Variants in PAK1 observed in about 807,000 individuals in gnomAD.
The protein encoded by PAK1 is p21 (RAC1) activated kinase 1, also known as serine/threonine-protein kinase PAK 1.
In PAK1, 29 loss-of-function variants were observed where a neutral mutation model predicts 67.4. The observed-to-expected ratio is 0.43, with a 90% CI of 0.32 to 0.59. The LOEUF is 0.59. Ranked by LOEUF, PAK1 falls within the 20% of genes least tolerant of loss-of-function variation. The pLI, the probability that PAK1 is intolerant of heterozygous loss-of-function variation, is 0.07. For synonymous variants in PAK1, 223 were observed against 237.4 expected, an observed-to-expected ratio of 0.94 and a Z score of 0.56; for missense variants, 337 against 670.7, an observed-to-expected ratio of 0.50 and a Z score of 5.50.
At chr11:77,455,622 T>C (rs113934459) in intron 1 of PAK1, among the ~76,000 whole-genome samples, 2,124 of 152,340 alleles carry the variant, frequency 0.014, 41 homozygotes, top group African/African-American at 0.049. Flanking sequence ...TAAATCTCTC[T>C]GATATCCTTT....
intron 2 of PAK1, among the ~76,000 whole-genome samples, chr11:77,386,920 C>T (rs1487884669): frequency 6.6e-6 from 1 of 152,008 alleles, no homozygotes; most frequent in Non-Finnish European, 1.5e-5. Flanking sequence ...ATTACAGGTG[C>T]CCACTACCAC....
intron 5 of PAK1, among the ~76,000 whole-genome samples, chr11:77,364,147 C>G (rs1467356617): frequency 6.6e-6 from 1 of 152,204 alleles, no homozygotes. Flanking sequence ...TTCACAGGCA[C>G]AGCAGACGCT....
chr11:77,379,243 G>A lies in PAK1; in HGVS notation c.437C>T (p.Thr146Ile). 1 of 1,611,562 alleles carries A rather than the reference G, an allele frequency of 6.2e-7. No individual in the cohort carries two copies. Among genetic ancestry groups the A allele is most frequent in the Non-Finnish European group, 8.5e-7 (1 of 1,178,670 alleles). Residue 146 changes from threonine (T) to isoleucine (I), a missense_variant and splice_region_variant, in exon 4 of 15, where the codon ACA becomes ATA. By Grantham distance (89) the Thr-to-Ile change is moderately conservative (BLOSUM62 -1). This residue lies in a region of PAK1 where 150 missense variants were observed against 179.0 expected (regional missense o/e 0.84). Coordinates refer to ENST00000356341, the MANE Select transcript of PAK1 (RefSeq NM_002576.5). ...TSNSQKYMSF[T>I]DKSAEDYNSS... ...TGCCCTGGACGCAGTTCTCATACCT[G>A]TAAAGCTCATGTATTTCTGGCTGTT... is the stretch of plus-strand genomic sequence containing the variant.
At chr11:77,380,169 T>C (rs111325558) in intron 2 of PAK1, among the ~76,000 whole-genome samples, 175 bp from the exon 3 acceptor site, 5,067 of 152,242 alleles carry the variant, frequency 0.033, 141 homozygotes, top group African/African-American at 0.077. Context: ...ACTCAATGCA[T>C]GTTTAAAGAC....
At chr11:77,501,167 AAC>A in the PAK1 span, among the ~76,000 whole-genome samples, 1 of 152,046 alleles carries the variant, frequency 6.6e-6, no homozygotes, top group South Asian at 2.1e-4. Context: ...AAAAACAAAA[AAC>A]AAAAAACAAA....
chr11:77,459,590 A>C (rs1405460495), intron 1 of PAK1, among the ~76,000 whole-genome samples: 1 of 152,236 alleles, frequency 6.6e-6, no homozygotes, highest in Non-Finnish European at 1.5e-5. Context: ...GTCTAGACAT[A>C]ACCAAGAGTC....
chr11:77,422,235 G>A (rs1249619579), intron 1 of PAK1, among the ~76,000 whole-genome samples: 2 of 151,904 alleles, frequency 1.3e-5, no homozygotes, highest in Non-Finnish European at 2.9e-5. Context: ...AATCATACAG[G>A]GTACAAATAC....
chr11:77,374,656 A>G (rs1948865552), intron 4 of PAK1, among the ~76,000 whole-genome samples: 1 of 152,152 alleles, frequency 6.6e-6, no homozygotes. Context: ...GTTCTGTGAA[A>G]TGTGTCATCA....
In PAK1 at chr11:77,325,835, G is replaced by A. The variant is rs145870373; in HGVS notation, c.1552-2475C>T. The stretch of plus-strand genomic sequence containing the variant: ...AAAGACATGCTAAGTATGTTCCAGA[G>A]GGTGATATTCCAATGTGGGTTCTTC... On this transcript the variant is annotated intron_variant, in intron 14 of 14. Coordinates refer to ENST00000356341, the MANE Select transcript of PAK1 (RefSeq NM_002576.5). Among the ~76,000 whole-genome samples, 454 of 152,264 alleles carry A rather than the reference G, an allele frequency of 3.0e-3. 7 individuals are homozygous for A. Among genetic ancestry groups the A allele is most frequent in the East Asian group, 0.014 (72 of 5,176 alleles).
intron 1 of PAK1, among the ~76,000 whole-genome samples, chr11:77,461,792 T>G (rs1462309614): frequency 6.6e-6 from 1 of 152,256 alleles, no homozygotes; most frequent in Non-Finnish European, 1.5e-5. Flanking sequence ...ACATTATTCA[T>G]GTTAAGCTTT....
At chr11:77,359,045 T>A (rs1946425413) in intron 5 of PAK1, 28 bp from the exon 6 acceptor site, 2 of 1,605,600 alleles carry the variant, frequency 1.2e-6, no homozygotes, top group Non-Finnish European at 1.7e-6. Flanking sequence ...GCAAGATGCA[T>A]CTGGTCCAGC....
rs147407766 is a variant in PAK1, at chr11:77,361,311, A to T, written c.478-2294T>A. Among the ~76,000 whole-genome samples, 57 of 152,316 alleles carry T rather than the reference A, an allele frequency of 3.7e-4. 1 individual carries two copies. The East Asian group carries it at 0.01, about 28-fold the overall frequency. ...CCACGGGGCTCTCTGAGAAAAGGAT[A>T]TTCCTAGCAGATGGAAGAAGTTAAA... On this transcript the variant is annotated intron_variant, in intron 5 of 14. Transcript: ENST00000356341.
At chr11:77,497,084 T>C in the PAK1 span, among the ~76,000 whole-genome samples, 1 of 152,196 alleles carries the variant, frequency 6.6e-6, no homozygotes, top group Non-Finnish European at 1.5e-5. Flanking sequence ...ATGGAGCTTA[T>C]CTAGCCTGAA....
the PAK1 span, among the ~76,000 whole-genome samples, chr11:77,490,290 G>GCCC: frequency 1.9e-3 from 151 of 80,522 alleles, 11 homozygotes; most frequent in East Asian, 8.3e-3. Context: ...GTGGGGGTCA[G>GCCC]CCCCCCCACC....
At chr11:77,323,924 G>C (rs989804367) in intron 14 of PAK1, among the ~76,000 whole-genome samples, 1 of 152,248 alleles carries the variant, frequency 6.6e-6, no homozygotes, top group East Asian at 1.9e-4. Context: ...GGTATTAATA[G>C]ATCATGACCC....
chr11:77,401,343 G>C lies in PAK1; in HGVS notation c.-21-8802C>G, dbSNP rs141198949. On this transcript the variant is annotated intron_variant, in intron 1 of 14. Transcript: ENST00000356341. Reference sequence around the variant, plus strand: ...CAGCCTGGCCACTTGCTCTGGTTTAGCAACACCTGCTAGAGCAACAGTGAG... The same window carrying C: ...CAGCCTGGCCACTTGCTCTGGTTTACCAACACCTGCTAGAGCAACAGTGAG... 9.7e-3 allele frequency among the ~76,000 whole-genome samples: 1,475 copies of C among 152,176 alleles called. 24 individuals carry two copies. Among genetic ancestry groups the C allele is most frequent in the African/African-American group, 0.034 (1,422 of 41,502 alleles).
chr11:77,373,956 G>A (rs557850309), intron 5 of PAK1, among the ~76,000 whole-genome samples: 1 of 152,284 alleles, frequency 6.6e-6, no homozygotes, highest in African/African-American at 2.4e-5. Context: ...TTTTATTGAT[G>A]AAGAAATTGA....
intron 1 of PAK1, among the ~76,000 whole-genome samples, chr11:77,418,149 A>G (rs1955070865): frequency 6.6e-6 from 1 of 152,236 alleles, no homozygotes; most frequent in African/African-American, 2.4e-5. Flanking sequence ...AAAGACATAC[A>G]AGATAAAGTT....
chr11:77,430,786 A>G (rs936937427), intron 1 of PAK1, among the ~76,000 whole-genome samples: 1 of 152,220 alleles, frequency 6.6e-6, no homozygotes, highest in Non-Finnish European at 1.5e-5. Flanking sequence ...TTTAAAGCAC[A>G]TATCAGAAGT....
Sources: allele counts gnomAD v4.1 joint callset (sites outside exome capture counted in the v4.1 genomes callset), GRCh38; gene constraint gnomAD v4.1.1; regional missense constraint gnomAD v4.1.1; transcripts MANE v1.5; gene names NCBI Gene and HGNC (gene_info 2026-07-23, HGNC 2026-07-21).